The following OR8K3 variants were observed in gnomAD, a reference collection of about 807,000 sequenced individuals.
The protein encoded by OR8K3 is olfactory receptor family 8 subfamily K member 3 (gene/pseudogene), also known as olfactory receptor 8K3.
For synonymous variants in OR8K3, 167 were observed against 138.8 expected, an observed-to-expected ratio of 1.20 and a Z score of -1.43; for missense variants, 448 against 367.4, an observed-to-expected ratio of 1.22 and a Z score of -1.79.
chr11:56,318,411 T>C lies in OR8K3; in HGVS notation c.105T>C (p.Tyr35=), dbSNP rs143880240. The change falls in exon 3 of 3, where the codon TAT becomes TAC. Residue 35 remains tyrosine (Y), a synonymous_variant. Transcript: ENST00000641662. ...APLFALFLMI[Y]VISVMGNLGM... ...TATTTGCATTGTTCCTCATGATCTA[T>C]GTGATCTCAGTGATGGGCAATTTGG... 1.7e-5 allele frequency: 27 copies of C among 1,613,936 alleles called. No individual in the cohort carries two copies. The African/African-American group carries it at 3.1e-4, about 18-fold the overall frequency.
chr11:56,318,959 A>G lies in OR8K3; in HGVS notation c.653A>G (p.Tyr218Cys). 6.2e-7 allele frequency: 1 copy of G among 1,614,092 alleles called. No individual in the cohort carries two copies. The highest frequency in any genetic ancestry group is 1.6e-4 in the Middle Eastern group (1 of 6,062). Residue 218 changes from tyrosine (Y) to cysteine (C), a missense_variant, in exon 3 of 3, where the codon TAC becomes TGC. Tyr to Cys is a radical substitution (Grantham distance 194, BLOSUM62 -2). Coordinates refer to ENST00000641662, the MANE Select transcript of OR8K3 (RefSeq NM_001005202.2). ...TCTCTTCTGATAGTTCTTTTATCTT[A>G]CCTGCTCATCCTTGTAGCCATTCTC... ...ISSLLIVLLS[Y>C]LLILVAILRM...
chr11:56,318,553 G>A lies in OR8K3; in HGVS notation c.247G>A (p.Val83Ile), dbSNP rs1854477059. Reference protein sequence around the residue: ...YSTTVGPKMLVNFVVDKNIIS... With the variant: ...YSTTVGPKMLINFVVDKNIIS... Reference sequence around the variant, plus strand: ...AACAACTGTGGGACCCAAAATGTTAGTAAATTTTGTTGTGGATAAGAATAT... The same window carrying A: ...AACAACTGTGGGACCCAAAATGTTAATAAATTTTGTTGTGGATAAGAATAT... The change falls in exon 3 of 3, where the codon GTA becomes ATA. Residue 83 changes from valine (V) to isoleucine (I), a missense_variant. Val to Ile is a conservative substitution (Grantham distance 29). Transcript: ENST00000641662. The A allele has an allele frequency of 1.9e-6, 3 of 1,612,928 alleles. No homozygotes were observed. The highest frequency in any genetic ancestry group is 1.7e-5 in the Admixed American group (1 of 59,852).
At chr11:56,318,187 G>T in intron 2 of OR8K3, 97 bp from the exon 3 acceptor site, 3 of 601,468 alleles carry the variant, frequency 5.0e-6, no homozygotes, top group Admixed American at 2.9e-5. Context: ...GTCGCAAATT[G>T]TGAAATTTAG....
chr11:56,317,032 T>C (rs1854453063), intron 2 of OR8K3, among the ~76,000 whole-genome samples: 1 of 151,944 alleles, frequency 6.6e-6, no homozygotes, highest in Non-Finnish European at 1.5e-5. Flanking sequence ...TAGTCATGAA[T>C]TGGGGGAGGG....
At chr11:56,317,366 A>C (rs1287995211) in intron 2 of OR8K3, among the ~76,000 whole-genome samples, 1 of 152,140 alleles carries the variant, frequency 6.6e-6, no homozygotes, top group East Asian at 1.9e-4. Context: ...TAGATAACTT[A>C]CACTATTTGC....
chr11:56,318,615 C>T lies in OR8K3; in HGVS notation c.309C>T (p.Phe103=). The T allele has an allele frequency of 6.2e-7, 1 of 1,613,840 alleles. No homozygotes were observed. Among genetic ancestry groups the T allele is most frequent in the Non-Finnish European group, 8.5e-7 (1 of 1,179,822 alleles). The stretch of plus-strand genomic sequence containing the variant: ...ATTTTTGTGCAACACAGCTAGCTTT[C>T]TTTCTTGTGTTCATTGGTAGTGAAC... The part of the protein sequence containing the change: ...SYYFCATQLA[F]FLVFIGSELF... The change falls in exon 3 of 3, where the codon TTC becomes TTT. Residue 103 remains phenylalanine, a synonymous_variant. Transcript: ENST00000641662.
rs766405715 is a variant in OR8K3 at position 56,318,895 on chromosome 11, T to C, written c.589T>C (p.Leu197=). 3 of 1,613,720 alleles carry C rather than the reference T, an allele frequency of 1.9e-6. No individual in the cohort carries two copies. The highest frequency in any genetic ancestry group is 2.2e-5 in the East Asian group (1 of 44,888). ...TTGTTCAAATACACATGAAATTGAA[T>C]TGATAATTCTGATCTTTGCAGCTAT... ...LLCSNTHEIE[L]IILIFAAIDL... is the part of the protein sequence containing the mutation. The change falls in exon 3 of 3, where the codon TTG becomes CTG. Residue 197 remains leucine, a synonymous_variant. Coordinates refer to ENST00000641662, the MANE Select transcript of OR8K3 (RefSeq NM_001005202.2).
At position 56,318,410 on chromosome 11, in the gene OR8K3, A is replaced by C; in HGVS notation, c.104A>C (p.Tyr35Ser). 1 of 1,613,848 alleles carries C rather than the reference A, an allele frequency of 6.2e-7. No homozygotes were observed. Among genetic ancestry groups the C allele is most frequent in the East Asian group, 2.2e-5 (1 of 44,872 alleles). ...APLFALFLMI[Y>S]VISVMGNLGM... ...TTATTTGCATTGTTCCTCATGATCTATGTGATCTCAGTGATGGGCAATTTG... is the reference window on the plus strand; with the variant it reads ...TTATTTGCATTGTTCCTCATGATCTCTGTGATCTCAGTGATGGGCAATTTG... Residue 35 changes from tyrosine to serine, a missense_variant, in exon 3 of 3, where the codon TAT becomes TCT. Tyr to Ser is a moderately radical substitution (Grantham distance 144, BLOSUM62 -2). Coordinates refer to ENST00000641662, the MANE Select transcript of OR8K3 (RefSeq NM_001005202.2).
chr11:56,317,157 C>T (rs1361068148), intron 2 of OR8K3, among the ~76,000 whole-genome samples: 1 of 151,784 alleles, frequency 6.6e-6, no homozygotes, highest in African/African-American at 2.4e-5. Context: ...TGTATGTGTA[C>T]ACATGTAAAA....
At chr11:56,318,019 T>A (rs1854467663) in intron 2 of OR8K3, among the ~76,000 whole-genome samples, 5 of 152,260 alleles carry the variant, frequency 3.3e-5, no homozygotes, top group Admixed American at 2.6e-4. Context: ...GATGCAACAG[T>A]GGCCCACCTC....
chr11:56,318,688 A>ATACACAGTATAGCATACTAT lies in OR8K3; in HGVS notation c.382_383insTACACAGTATAGCATACTAT (p.Asn128IlefsTer14). On this transcript the variant is annotated frameshift_variant, in exon 3 of 3. Transcript: ENST00000641662. LOFTEE classifies it low-confidence loss of function (END_TRUNC). ...CTACGACCTCTATGTGGCCATCTGT[A>ATACACAGTATAGCATACTAT]ACCCTCTGCTATACACAGTAATCAT... 6.2e-7 allele frequency: 1 copy of ATACACAGTATAGCATACTAT among 1,613,920 alleles called. No homozygotes were observed. Among genetic ancestry groups the ATACACAGTATAGCATACTAT allele is most frequent in the Non-Finnish European group, 8.5e-7 (1 of 1,179,892 alleles).
intron 1 of OR8K3, among the ~76,000 whole-genome samples, chr11:56,315,543 G>A (rs1854431782): frequency 6.6e-6 from 1 of 152,050 alleles, no homozygotes; most frequent in Non-Finnish European, 1.5e-5. Flanking sequence ...ATGAAAGAAT[G>A]GAGAAACTGC....
chr11:56,319,323 A>G lies in OR8K3; in HGVS notation c.*78A>G. ...CTGCATACTTCCAGAAGACATAACA[A>G]GCATAACTGATTCAACATATATTTA... is the stretch of plus-strand genomic sequence containing the variant. On this transcript the variant is annotated 3_prime_UTR_variant, in exon 3 of 3. Coordinates refer to ENST00000641662, the MANE Select transcript of OR8K3 (RefSeq NM_001005202.2). 1 of 709,832 alleles carries G rather than the reference A, an allele frequency of 1.4e-6. No individual in the cohort carries two copies. The highest frequency in any genetic ancestry group is 2.4e-6 in the Non-Finnish European group (1 of 420,598). The allele number at this position is 709,832 out of a possible 1,614,324, so 44.0% of individuals were successfully genotyped here.
At position 56,318,600 on chromosome 11, in the gene OR8K3, A is replaced by C; in HGVS notation, c.294A>C (p.Ala98=). The C allele has an allele frequency of 6.2e-7, 1 of 1,613,822 alleles. No individual in the cohort carries two copies. The highest frequency in any genetic ancestry group is 8.5e-7 in the Non-Finnish European group (1 of 1,179,864). ...ATATAATTTCTTATTATTTTTGTGC[A>C]ACACAGCTAGCTTTCTTTCTTGTGT... ...DKNIISYYFC[A]TQLAFFLVFI... Residue 98 remains alanine (A), a synonymous_variant, in exon 3 of 3, where the codon GCA becomes GCC. Transcript: ENST00000641662.
At position 56,317,843 on chromosome 11, in the gene OR8K3, T is replaced by C. The variant is rs140194171; in HGVS notation, c.-23-441T>C. Among the ~76,000 whole-genome samples, 151 of 152,158 alleles carry C rather than the reference T, an allele frequency of 9.9e-4. 1 individual carries two copies. The highest frequency in any genetic ancestry group is 3.6e-3 in the African/African-American group (150 of 41,558). ...TCATATGATTCTATCTGTTCATCCATAATCTATCTATCTACCCATTAACTA... is the reference window on the plus strand; with the variant it reads ...TCATATGATTCTATCTGTTCATCCACAATCTATCTATCTACCCATTAACTA... On this transcript the variant is annotated intron_variant, in intron 2 of 2. Coordinates refer to ENST00000641662, the MANE Select transcript of OR8K3 (RefSeq NM_001005202.2).
At chr11:56,315,639 A>G (rs1217760877) in intron 1 of OR8K3, among the ~76,000 whole-genome samples, 1 of 152,114 alleles carries the variant, frequency 6.6e-6, no homozygotes, top group Non-Finnish European at 1.5e-5. Context: ...CAATAATTTA[A>G]CACTGAATGA....
At position 56,319,425 on chromosome 11, in the gene OR8K3, T is replaced by G. The variant is rs1005589693; in HGVS notation, c.*180T>G. 1.9e-5 allele frequency: 11 copies of G among 573,066 alleles called. No homozygotes were observed. In the African/African-American group the frequency reaches 2.1e-4, roughly 11 times the overall value. The allele number at this position is 573,066 out of a possible 1,614,324, so 35.5% of individuals were successfully genotyped here. On this transcript the variant is annotated 3_prime_UTR_variant, in exon 3 of 3. Transcript: ENST00000641662. ...AACAAAATAGTAGAAATCTTTGCCTTCCTTGATGGATAGATGAATTGTATT... is the reference window on the plus strand; with the variant it reads ...AACAAAATAGTAGAAATCTTTGCCTGCCTTGATGGATAGATGAATTGTATT...
chr11:56,316,640 C>T (rs1482946265), intron 2 of OR8K3, among the ~76,000 whole-genome samples: 1 of 151,908 alleles, frequency 6.6e-6, no homozygotes, highest in African/African-American at 2.4e-5. Context: ...CAGAAATCCA[C>T]GTATATCTCA....
In OR8K3 at chr11:56,320,115, A is replaced by C. The variant is rs533068452; in HGVS notation, c.*870A>C. The C allele has an allele frequency of 6.6e-6, 1 of 152,322 alleles. No homozygotes were observed. The highest frequency in any genetic ancestry group is 1.9e-4 in the East Asian group (1 of 5,186). 9.4% of individuals were successfully genotyped at this position (152,322 alleles called of 1,614,324 possible). On this transcript the variant is annotated 3_prime_UTR_variant, in exon 3 of 3. Transcript: ENST00000641662. ...AAATTTGTGTTCCAGTTGTTTTTACATCTTTGAGGAGGGGGACCATTCTAT... is the reference window on the plus strand; with the variant it reads ...AAATTTGTGTTCCAGTTGTTTTTACCTCTTTGAGGAGGGGGACCATTCTAT...
Sources: allele counts gnomAD v4.1 joint callset (sites outside exome capture counted in the v4.1 genomes callset), GRCh38; gene constraint gnomAD v4.1.1; transcripts MANE v1.5; gene names NCBI Gene and HGNC (gene_info 2026-07-23, HGNC 2026-07-21).